The following KIRREL3 variants were observed in gnomAD, a reference collection of about 807,000 sequenced individuals.
The protein encoded by KIRREL3 is kin of IRRE-like protein 3.
A neutral mutation model predicts 89.7 loss-of-function variants in KIRREL3; 36 were observed. The observed-to-expected ratio is 0.40, with a 90% CI of 0.31 to 0.53. The LOEUF (loss-of-function observed/expected upper bound fraction) is 0.53. Among genes scored for constraint, KIRREL3 ranks in the 20% least tolerant of loss-of-function variants. The pLI, the probability that KIRREL3 is intolerant of heterozygous loss-of-function variation, is 0.49. For missense variants in KIRREL3, 864 were observed against 1,056.6 expected, an observed-to-expected ratio of 0.82 and a Z score of 2.53; for synonymous variants, 445 against 441.4, an observed-to-expected ratio of 1.01 and a Z score of -0.10.
At chr11:126,586,885 G>A (rs1941888388) in intron 1 of KIRREL3, among the ~76,000 whole-genome samples, 1 of 152,122 alleles carries the variant, frequency 6.6e-6, no homozygotes, top group Non-Finnish European at 1.5e-5. Flanking sequence ...GAGATCTTGA[G>A]GCAGGCATGC....
At chr11:126,841,839 C>A (rs936630054) in intron 1 of KIRREL3, among the ~76,000 whole-genome samples, 1 of 152,200 alleles carries the variant, frequency 6.6e-6, no homozygotes, top group Non-Finnish European at 1.5e-5. Context: ...TGCTCACCTA[C>A]CCAATAGTTG....
At chr11:126,838,136 G>A (rs1279824135) in intron 1 of KIRREL3, among the ~76,000 whole-genome samples, 1 of 152,148 alleles carries the variant, frequency 6.6e-6, no homozygotes, top group Non-Finnish European at 1.5e-5. Flanking sequence ...TGAAATGAAG[G>A]GAAAGGATTG....
At position 126,908,065 on chromosome 11, in the gene KIRREL3, C is replaced by G. The variant is rs1946657461; in HGVS notation, c.55+92390G>C. ...TTCCCTGCTTTCTTTTCCTCCATAG[C>G]CCTTATCAGTACCTAACATATAAAT... On this transcript the variant is annotated intron_variant, in intron 1 of 16. Coordinates refer to ENST00000525144, the MANE Select transcript of KIRREL3 (RefSeq NM_032531.4). This position sits in a 1 kb window ranked among gnomAD's most constrained non-coding sequence, Gnocchi z 4.2. 6.6e-6 allele frequency among the ~76,000 whole-genome samples: 1 copy of G among 152,154 alleles called. No individual in the cohort carries two copies. Among genetic ancestry groups the G allele is most frequent in the South Asian group, 2.1e-4 (1 of 4,820 alleles).
At position 126,626,881 on chromosome 11, in the gene KIRREL3, G is replaced by A. The variant is rs138183101; in HGVS notation, c.56-63969C>T. On this transcript the variant is annotated intron_variant, in intron 1 of 16. Coordinates refer to ENST00000525144, the MANE Select transcript of KIRREL3 (RefSeq NM_032531.4). ...AAATTAGCCAGGCGTGGTGGCGCAT[G>A]CCTGTAATCCCAGCTACTCAGGAGG... 4.9e-3 allele frequency among the ~76,000 whole-genome samples: 740 copies of A among 152,214 alleles called. 8 individuals carry two copies. Among genetic ancestry groups the A allele is most frequent in the African/African-American group, 0.017 (698 of 41,546 alleles).
At position 126,429,905 on chromosome 11, in the gene KIRREL3, G is replaced by A. The variant is rs1193026236; in HGVS notation, c.1697-617C>T. Among the ~76,000 whole-genome samples, 1 of 152,182 alleles carries A rather than the reference G, an allele frequency of 6.6e-6. No homozygotes were observed. The highest frequency in any genetic ancestry group is 6.5e-5 in the Admixed American group (1 of 15,274). ...TAATCCCAGCACTTTGGGAGGCCGA[G>A]GTGGGCAGATCACGAGGTCAGGAGT... On this transcript the variant is annotated intron_variant, in intron 14 of 16. Transcript: ENST00000525144. This position sits in a 1 kb window ranked among gnomAD's most constrained non-coding sequence, Gnocchi z 5.2.
chr11:126,581,416 G>A (rs1351839206), intron 1 of KIRREL3, among the ~76,000 whole-genome samples: 1 of 152,078 alleles, frequency 6.6e-6, no homozygotes, highest in Non-Finnish European at 1.5e-5. Context: ...TGACCAGGCT[G>A]GTCATAAACT....
chr11:126,968,129 T>G (rs1949327699), intron 1 of KIRREL3, among the ~76,000 whole-genome samples: 1 of 152,216 alleles, frequency 6.6e-6, no homozygotes, highest in Non-Finnish European at 1.5e-5. Context: ...GTAAAGCTGT[T>G]GGTAAAGTTA....
chr11:126,991,639 AAG>A lies in KIRREL3; in HGVS notation c.55+8814_55+8815del, dbSNP rs1950038031. Among the ~76,000 whole-genome samples the A allele has an allele frequency of 6.6e-6, 1 of 152,170 alleles. No homozygotes were observed. Among genetic ancestry groups the A allele is most frequent in the African/African-American group, 2.4e-5 (1 of 41,450 alleles). ...AGAAAGATAAAGAAACTGACTCAGAAAGAGTCTGGAATAAAAAAGAAATTGAA... is the reference window on the plus strand; with the variant it reads ...AGAAAGATAAAGAAACTGACTCAGAAAGTCTGGAATAAAAAAGAAATTGAA... On this transcript the variant is annotated intron_variant, in intron 1 of 16. Coordinates refer to ENST00000525144, the MANE Select transcript of KIRREL3 (RefSeq NM_032531.4). This position sits in a 1 kb window ranked among gnomAD's most constrained non-coding sequence, Gnocchi z 5.8.
At position 126,768,523 on chromosome 11, in the gene KIRREL3, C is replaced by G. The variant is rs1009089862; in HGVS notation, c.56-205611G>C. On this transcript the variant is annotated intron_variant, in intron 1 of 16. Transcript: ENST00000525144. The surrounding 1 kb of genome is among the most constrained non-coding windows in gnomAD (Gnocchi z 4.5). ...AGACTAGACATACACAAGACAGATTCCAACAGTCAGAAGTGCAAGGAAGAA... is the reference window on the plus strand; with the variant it reads ...AGACTAGACATACACAAGACAGATTGCAACAGTCAGAAGTGCAAGGAAGAA... Among the ~76,000 whole-genome samples, 9 of 152,160 alleles carry G rather than the reference C, an allele frequency of 5.9e-5. No individual in the cohort carries two copies. The highest frequency in any genetic ancestry group is 2.2e-4 in the African/African-American group (9 of 41,426).
chr11:126,753,739 C>A (rs560508020), intron 1 of KIRREL3, among the ~76,000 whole-genome samples: 3 of 152,268 alleles, frequency 2.0e-5, no homozygotes, highest in Admixed American at 2.0e-4. Context: ...CCCCAGTTCT[C>A]CGTATGATGC....
intron 1 of KIRREL3, among the ~76,000 whole-genome samples, chr11:126,770,654 C>T (rs975331752): frequency 3.3e-5 from 5 of 152,154 alleles, no homozygotes; most frequent in Non-Finnish European, 7.3e-5. Flanking sequence ...CACAGAGACA[C>T]TCCCTCAACT....
chr11:126,901,633 A>G (rs1946374822), intron 1 of KIRREL3, among the ~76,000 whole-genome samples: 1 of 152,192 alleles, frequency 6.6e-6, no homozygotes, highest in Admixed American at 6.5e-5. Flanking sequence ...CCATTATCCT[A>G]TTTAAGTCAC....
At position 126,923,199 on chromosome 11, in the gene KIRREL3, T is replaced by TCC. The variant is rs1291226910; in HGVS notation, c.55+77255_55+77256insGG. On this transcript the variant is annotated intron_variant, in intron 1 of 16. Coordinates refer to ENST00000525144, the MANE Select transcript of KIRREL3 (RefSeq NM_032531.4). ...TTCTCTTCTTCTTCTCTTCTTCTTC[T>TCC]TCTTCTTCTTCTTCTTCTTCTTCTT... Among the ~76,000 whole-genome samples, 47 of 9,126 alleles carry TCC rather than the reference T, an allele frequency of 5.2e-3. 13 individuals are homozygous for TCC. Among genetic ancestry groups the TCC allele is most frequent in the Admixed American group, 0.016 (14 of 902 alleles). The allele number at this position is 9,126 out of a possible 152,430, so 6.0% of individuals were successfully genotyped here.
At position 126,905,197 on chromosome 11, in the gene KIRREL3, A is replaced by G. The variant is rs2134866200; in HGVS notation, c.55+95258T>C. 6.6e-6 allele frequency among the ~76,000 whole-genome samples: 1 copy of G among 152,248 alleles called. No individual in the cohort carries two copies. The highest frequency in any genetic ancestry group is 2.1e-4 in the South Asian group (1 of 4,822). ...TTCCATGGCTTCCCTACTTGAAGGC[A>G]GGGCTTGGCTTACTTCCAATAAGTC... On this transcript the variant is annotated intron_variant, in intron 1 of 16. Transcript: ENST00000525144. The surrounding 1 kb of genome is among the most constrained non-coding windows in gnomAD (Gnocchi z 5.0).
chr11:126,723,362 G>A lies in KIRREL3; in HGVS notation c.56-160450C>T, dbSNP rs191344148. On this transcript the variant is annotated intron_variant, in intron 1 of 16. Transcript: ENST00000525144. This position sits in a 1 kb window ranked among gnomAD's most constrained non-coding sequence, Gnocchi z 4.0. Reference sequence around the variant, plus strand: ...ACAGCATTAGTGGGAGCTGTGGAGAGGAGGCTAGAAATAGGCAAAGAAGGG... The same window carrying A: ...ACAGCATTAGTGGGAGCTGTGGAGAAGAGGCTAGAAATAGGCAAAGAAGGG... Among the ~76,000 whole-genome samples the A allele has an allele frequency of 6.0e-4, 92 of 152,292 alleles. No homozygotes were observed. Among genetic ancestry groups the A allele is most frequent in the African/African-American group, 2.1e-3 (87 of 41,560 alleles).
chr11:126,718,246 CCTCTT>C (rs113328470), intron 1 of KIRREL3, among the ~76,000 whole-genome samples: 4 of 152,312 alleles, frequency 2.6e-5, no homozygotes, highest in African/African-American at 9.6e-5. Flanking sequence ...CAGACACCCA[CCTCTT>C]CTGTGCTATG....
rs1175060267 is a variant in KIRREL3, at chr11:126,999,634, CCTTTGGCCAA to C, written c.55+811_55+820del. 6.6e-6 allele frequency among the ~76,000 whole-genome samples: 1 copy of C among 152,302 alleles called. No individual in the cohort carries two copies. Among genetic ancestry groups the C allele is most frequent in the East Asian group, 1.9e-4 (1 of 5,176 alleles). On this transcript the variant is annotated intron_variant, in intron 1 of 16. Transcript: ENST00000525144. This position sits in a 1 kb window ranked among gnomAD's most constrained non-coding sequence, Gnocchi z 5.7. ...TCAATTCCACAGGTGACTTTTGATG[CCTTTGGCCAA>C]CTAGGCACTCACATTCCCTCTCCCG...
In KIRREL3 at chr11:126,830,222, A is replaced by G. The variant is rs1305420272; in HGVS notation, c.55+170233T>C. On this transcript the variant is annotated intron_variant, in intron 1 of 16. Transcript: ENST00000525144. The surrounding 1 kb of genome is among the most constrained non-coding windows in gnomAD (Gnocchi z 4.9). ...ATATTTATCATAGGTACATTTTACA[A>G]GATGAATTCTGTCACCAGTGTTGGC... Among the ~76,000 whole-genome samples the G allele has an allele frequency of 1.3e-5, 2 of 152,216 alleles. No individual in the cohort carries two copies. The highest frequency in any genetic ancestry group is 4.8e-5 in the African/African-American group (2 of 41,460).
intron 1 of KIRREL3, among the ~76,000 whole-genome samples, chr11:126,728,507 G>A (rs747594226): frequency 6.6e-6 from 1 of 152,178 alleles, no homozygotes; most frequent in Non-Finnish European, 1.5e-5. Flanking sequence ...CAAGCACCCT[G>A]CCTGGCCCCT....
Sources: gnomAD v4.1 joint callset for allele counts (sites outside exome capture counted in the v4.1 genomes callset) on GRCh38, gnomAD v4.1.1 for gene constraint, Gnocchi (gnomAD v3.1) non-coding constraint, MANE v1.5 for transcripts, NCBI Gene and HGNC (gene_info 2026-07-23, HGNC 2026-07-21) for gene names.